HSF1: variants seen among roughly 807,000 people sequenced by gnomAD.
HSF1 encodes heat shock transcription factor 1.
Under a neutral mutation model 51.7 loss-of-function variants are expected in HSF1, and 32 were observed. The observed-to-expected ratio is 0.62, with a 90% confidence interval of 0.47 to 0.83. HSF1 has a LOEUF of 0.83. Ranked by LOEUF, HSF1 falls within the 40% of genes least tolerant of loss-of-function variation. The pLI, the probability that HSF1 is intolerant of heterozygous loss-of-function variation, is 0.00. For missense variants in HSF1, 727 were observed against 717.0 expected, an observed-to-expected ratio of 1.01 and a Z score of -0.16; for synonymous variants, 396 against 309.7, an observed-to-expected ratio of 1.28 and a Z score of -2.92.
intron 1 of HSF1, among the ~76,000 whole-genome samples, chr8:144,298,219 T>C (rs1815599072): frequency 6.6e-6 from 1 of 152,120 alleles, no homozygotes; most frequent in South Asian, 2.1e-4. Context: ...AAATTCATAA[T>C]GGCCCCTAAG....
chr8:144,309,558 G>A lies in HSF1; in HGVS notation c.330G>A (p.Gln110=), dbSNP rs781936489. The change falls in exon 3 of 13, where the codon CAG becomes CAA. Residue 110 remains glutamine (Q), a synonymous_variant. Coordinates refer to ENST00000528838, the MANE Select transcript of HSF1 (RefSeq NM_005526.4). The stretch of plus-strand genomic sequence containing the variant: ...CATGCTTCCTGCGTGGCCAGGAGCA[G>A]CTCCTTGAGAACATCAAGAGGAAAG... ...QHPCFLRGQE[Q]LLENIKRKVT... The A allele has an allele frequency of 6.2e-7, 1 of 1,614,048 alleles. No homozygotes were observed. Among genetic ancestry groups the A allele is most frequent in the South Asian group, 1.1e-5 (1 of 91,086 alleles).
rs1815092103 is a variant in HSF1, at chr8:144,291,633, C to A, written c.-125C>A. 1 of 510,924 alleles carries A rather than the reference C, an allele frequency of 2.0e-6. No homozygotes were observed. Among genetic ancestry groups the A allele is most frequent in the South Asian group, 2.9e-5 (1 of 34,346 alleles). The allele number at this position is 510,924 out of a possible 1,614,324, so 31.6% of individuals were successfully genotyped here. ...GCAAGATGGCGGCGGCCATGCTGGG[C>A]CCCGGGGCTGTGTGTGCGCAGCGGG... is the stretch of plus-strand genomic sequence containing the variant. On this transcript the variant is annotated 5_prime_UTR_variant, in exon 1 of 13. Coordinates refer to ENST00000528838, the MANE Select transcript of HSF1 (RefSeq NM_005526.4). The surrounding 1 kb of genome is among the most constrained non-coding windows in gnomAD (Gnocchi z 4.1).
intron 1 of HSF1, among the ~76,000 whole-genome samples, chr8:144,300,161 C>CAGGG (rs1419812412): frequency 1.3e-5 from 2 of 151,182 alleles, no homozygotes; most frequent in Admixed American, 1.3e-4. Flanking sequence ...ACAGCCTCAC[C>CAGGG]AGGGACCATG....
chr8:144,311,332 C>T lies in HSF1; in HGVS notation c.576C>T (p.Phe192=), dbSNP rs376720142. 1 of 1,613,894 alleles carries T rather than the reference C, an allele frequency of 6.2e-7. No homozygotes were observed. The highest frequency in any genetic ancestry group is 1.3e-5 in the African/African-American group (1 of 74,946). ...CTCTCTCTCCACAGCTCATTCAGTT[C>T]CTGATCTCACTGGTGCAGTCAAACC... is the stretch of plus-strand genomic sequence containing the variant. ...QQKVVNKLIQ[F]LISLVQSNRI... The change falls in exon 6 of 13, where the codon TTC becomes TTT. Residue 192 remains phenylalanine, a synonymous_variant. Coordinates refer to ENST00000528838, the MANE Select transcript of HSF1 (RefSeq NM_005526.4).
chr8:144,313,885 C>T lies in HSF1; in HGVS notation c.1288C>T (p.Pro430Ser), dbSNP rs1554845845. ...PSVTVPDMSL[P>S]DLDSSLASIQ... ...GGTGACCGTGCCCGACATGAGCCTG[C>T]CTGACCTTGACAGCAGCCTGGCCAG... is the stretch of plus-strand genomic sequence containing the variant. The change falls in exon 11 of 13, where the codon CCT becomes TCT. Residue 430 changes from proline to serine, a missense_variant. By Grantham distance (74) the Pro-to-Ser change is moderately conservative. Transcript: ENST00000528838. 5 of 1,607,888 alleles carry T rather than the reference C, an allele frequency of 3.1e-6. No homozygotes were observed. The highest frequency in any genetic ancestry group is 3.4e-6 in the Non-Finnish European group (4 of 1,178,816).
At chr8:144,313,788 GCCC>G (rs1274529330) in intron 10 of HSF1, 55 bp from the exon 11 acceptor site, 5 of 2,684 alleles carry the variant, frequency 1.9e-3, no homozygotes, top group East Asian at 0.014. Flanking sequence ...CCGCCTCCCC[GCCC>G]CGCCTCCCCG....
At chr8:144,302,903 A>T (rs1815991466) in intron 1 of HSF1, among the ~76,000 whole-genome samples, 1 of 152,124 alleles carries the variant, frequency 6.6e-6, no homozygotes, top group Non-Finnish European at 1.5e-5. Context: ...AAGCACTTGA[A>T]CAGGTGCTCA....
At chr8:144,304,935 G>A (rs7386966) in intron 1 of HSF1, among the ~76,000 whole-genome samples, 77,687 of 148,112 alleles carry the variant, frequency 0.52, 20,442 homozygotes, top group Admixed American at 0.67. Context: ...CACCACACCA[G>A]GCATTTTAAT....
At chr8:144,300,212 C>CTTTTTTTTTTTTTTTTTTTTTTTT (rs1176636210) in intron 1 of HSF1, among the ~76,000 whole-genome samples, 1 of 87,744 alleles carries the variant, frequency 1.1e-5, no homozygotes, top group Non-Finnish European at 2.1e-5. Context: ...GTTGTGTACT[C>CTTTTTTTTTTTTTTTTTTTTTTTT]TTTTTTTTTT....
chr8:144,314,655 G>A lies in HSF1; in HGVS notation c.*325G>A, dbSNP rs563787134. ...GTTCCCCGCTCCACAGAGATACACAGATATATACACACAGTGGATGGACGG... is the reference window on the plus strand; with the variant it reads ...GTTCCCCGCTCCACAGAGATACACAAATATATACACACAGTGGATGGACGG... On this transcript the variant is annotated 3_prime_UTR_variant, in exon 13 of 13. Transcript: ENST00000528838. 27 of 389,924 alleles carry A rather than the reference G, an allele frequency of 6.9e-5. No homozygotes were observed. Among genetic ancestry groups the A allele is most frequent in the African/African-American group, 3.4e-4 (17 of 50,002 alleles). 24.2% of individuals were successfully genotyped at this position (389,924 alleles called of 1,614,324 possible).
Position 144,311,501 on chromosome 8 carries a change from A to ACCTGCACCTG in HSF1, c.627-3_627-2insCTGCACCTGC, listed in dbSNP as rs781988825. 4.8e-5 allele frequency: 78 copies of ACCTGCACCTG among 1,613,400 alleles called. No homozygotes were observed. Among genetic ancestry groups the ACCTGCACCTG allele is most frequent in the Non-Finnish European group, 4.7e-5 (55 of 1,179,932 alleles). On this transcript the variant is annotated splice_region_variant and splice_polypyrimidine_tract_variant and intron_variant, in intron 6 of 12. Coordinates refer to ENST00000528838, the MANE Select transcript of HSF1 (RefSeq NM_005526.4). ...TGGTGGCTGACCTGCACCCTTCCCC[A>ACCTGCACCTG]CAGCCCCCTGATGCTGAACGACAGT...
chr8:144,291,833 G>A lies in HSF1; in HGVS notation c.76G>A (p.Val26Met). 6.4e-7 allele frequency: 1 copy of A among 1,554,666 alleles called. No individual in the cohort carries two copies. Among genetic ancestry groups the A allele is most frequent in the Non-Finnish European group, 8.7e-7 (1 of 1,155,130 alleles). Reference sequence around the variant, plus strand: ...CTTCCTGACCAAGCTGTGGACCCTCGTGAGCGACCCGGACACCGACGCGCT... The same window carrying A: ...CTTCCTGACCAAGCTGTGGACCCTCATGAGCGACCCGGACACCGACGCGCT... ...PAFLTKLWTL[V>M]SDPDTDALIC... The change falls in exon 1 of 13, where the codon GTG (valine) becomes ATG (methionine). Residue 26 changes from valine (V) to methionine (M), a missense_variant. By Grantham distance (21) the Val-to-Met change is conservative (BLOSUM62 1). This residue lies in a region of HSF1 where 257 missense variants were observed against 318.3 expected (regional missense o/e 0.81). Transcript: ENST00000528838. This position sits in a 1 kb window ranked among gnomAD's most constrained non-coding sequence, Gnocchi z 4.1.
At chr8:144,309,179 TGG>T in intron 2 of HSF1, 165 bp downstream of exon 2, 2 of 675,946 alleles carry the variant, frequency 3.0e-6, no homozygotes. Flanking sequence ...GCCTCTTCCA[TGG>T]GGGAGGGTCC....
At position 144,297,456 on chromosome 8, in the gene HSF1, C is replaced by G. The variant is rs1815545566; in HGVS notation, c.117+5582C>G. Among the ~76,000 whole-genome samples, 1 of 152,210 alleles carries G rather than the reference C, an allele frequency of 6.6e-6. No homozygotes were observed. Among genetic ancestry groups the G allele is most frequent in the South Asian group, 2.1e-4 (1 of 4,826 alleles). On this transcript the variant is annotated intron_variant, in intron 1 of 12. Transcript: ENST00000528838. This position sits in a 1 kb window ranked among gnomAD's most constrained non-coding sequence, Gnocchi z 4.6. Reference sequence around the variant, plus strand: ...TTGGTCCTTGTGTGGCGAGAACACGCTGGAAGCTCCTCCAGAGCGGAAACA... The same window carrying G: ...TTGGTCCTTGTGTGGCGAGAACACGGTGGAAGCTCCTCCAGAGCGGAAACA...
At chr8:144,301,422 A>T (rs1815860879) in intron 1 of HSF1, among the ~76,000 whole-genome samples, 1 of 152,018 alleles carries the variant, frequency 6.6e-6, no homozygotes, top group African/African-American at 2.4e-5. Context: ...TCAAAAAAAA[A>T]ATTATGGCCA....
At chr8:144,309,709 C>A in intron 3 of HSF1, 63 bp from the exon 4 acceptor site, 1 of 1,595,294 alleles carries the variant, frequency 6.3e-7, no homozygotes, top group Non-Finnish European at 8.6e-7. Context: ...CTGCAGTGGA[C>A]GAGCCTGAGC....
At chr8:144,311,005 C>A in intron 4 of HSF1, 169 bp from the exon 5 acceptor site, 1 of 643,150 alleles carries the variant, frequency 1.6e-6, no homozygotes, top group Non-Finnish European at 2.7e-6. Context: ...AAGCCCTGGC[C>A]CTGGCCCCCA....
At chr8:144,307,814 A>C (rs1330912743) in intron 1 of HSF1, among the ~76,000 whole-genome samples, 1 of 152,076 alleles carries the variant, frequency 6.6e-6, no homozygotes, top group Non-Finnish European at 1.5e-5. Flanking sequence ...CACAAAGCCC[A>C]CTGTTCTTAC....
At chr8:144,313,694 GCCTCCCCGCGCCGCCGCCCCGCCT>G (rs1816924874) in intron 10 of HSF1, 78 bp downstream of exon 10, 12 of 69,792 alleles carry the variant, frequency 1.7e-4, no homozygotes, top group Non-Finnish European at 2.7e-4. Flanking sequence ...CCGCCTCCCC[GCCTCCCCGCGCCGCCGCCCCGCCT>G]CCCCGCCCCG....
Sources: gnomAD v4.1 joint callset for allele counts (sites outside exome capture counted in the v4.1 genomes callset) on GRCh38, gnomAD v4.1.1 for gene constraint, gnomAD v4.1.1 regional missense constraint, Gnocchi (gnomAD v3.1) non-coding constraint, MANE v1.5 for transcripts, NCBI Gene and HGNC (gene_info 2026-07-23, HGNC 2026-07-21) for gene names.